Variants in FGD6 observed in about 807,000 individuals in gnomAD.
FGD6 encodes the protein FYVE, RhoGEF and PH domain containing 6, also known as FYVE, RhoGEF and PH domain-containing protein 6.
Under a neutral mutation model 149.4 loss-of-function variants are expected in FGD6, and 90 were observed. The ratio of observed to expected loss-of-function variants is 0.60; its 90% CI spans 0.51 to 0.72. The LOEUF is 0.72. Among genes scored for constraint, FGD6 ranks in the 30% least tolerant of loss-of-function variants. The pLI is 0.00. For synonymous variants in FGD6, 527 were observed against 584.0 expected, an observed-to-expected ratio of 0.90 and a Z score of 1.41; for missense variants, 1,437 against 1,684.8, an observed-to-expected ratio of 0.85 and a Z score of 2.57.
intron 3 of FGD6, among the ~76,000 whole-genome samples, chr12:95,154,268 C>A (rs922473348): frequency 3.3e-5 from 5 of 151,932 alleles, no homozygotes; most frequent in African/African-American, 1.2e-4. Flanking sequence ...CCATGAAATT[C>A]TTTTATTATG....
intron 14 of FGD6, 29 bp downstream of exon 14, chr12:95,104,971 GAAAAAAA>G (rs11331948): frequency 7.4e-6 from 10 of 1,350,546 alleles, no homozygotes; most frequent in South Asian, 1.4e-5. Flanking sequence ...CTCAGAATGA[GAAAAAAA>G]AAAAAAAAAA....
intron 8 of FGD6, among the ~76,000 whole-genome samples, chr12:95,131,219 C>G (rs144982571): frequency 6.7e-6 from 1 of 148,316 alleles, no homozygotes; most frequent in East Asian, 2.1e-4. Flanking sequence ...TCAAACAATT[C>G]TGCCTCAGCC....
chr12:95,123,931 T>G (rs11107906), intron 8 of FGD6, among the ~76,000 whole-genome samples: 93,983 of 149,974 alleles, frequency 0.63, 29,678 homozygotes, highest in East Asian at 0.68. Flanking sequence ...TTTTCTTTTT[T>G]GGAGACAGGG....
chr12:95,157,388 G>A (rs117700552), intron 3 of FGD6, among the ~76,000 whole-genome samples: 1,733 of 152,072 alleles, frequency 0.011, 17 homozygotes, highest in South Asian at 0.027. Flanking sequence ...CCAACATGGT[G>A]AAACCCCGTC....
At chr12:95,162,100 C>CAAAAAA (rs762218917) in intron 3 of FGD6, among the ~76,000 whole-genome samples, 1 of 61,808 alleles carries the variant, frequency 1.6e-5, no homozygotes, top group Non-Finnish European at 3.2e-5. Context: ...CTGAAAAATA[C>CAAAAAA]AAAAAAAAAA....
intron 14 of FGD6, among the ~76,000 whole-genome samples, chr12:95,100,141 T>C (rs898227398): frequency 2.7e-5 from 4 of 150,154 alleles, no homozygotes; most frequent in Non-Finnish European, 5.9e-5. Flanking sequence ...TAACATTGAA[T>C]ACTCCAAATT....
chr12:95,141,577 A>G (rs756412328), intron 5 of FGD6, 38 bp from the exon 6 acceptor site: 119 of 1,597,564 alleles, frequency 7.4e-5, no homozygotes, highest in Non-Finnish European at 9.8e-5. Flanking sequence ...ATACACACAC[A>G]TGTAACTTGA....
At chr12:95,176,778 A>G (rs762824611) in intron 2 of FGD6, among the ~76,000 whole-genome samples, 7 of 152,242 alleles carry the variant, frequency 4.6e-5, no homozygotes, top group Non-Finnish European at 1.0e-4. Context: ...AGTCACAACT[A>G]AAGTGAAGTC....
rs115816689 is a variant in FGD6 at position 95,170,280 on chromosome 12, T to C, written c.2586+2320A>G. Among the ~76,000 whole-genome samples the C allele has an allele frequency of 7.0e-3, 1,064 of 152,298 alleles. 17 individuals carry two copies. The highest frequency in any genetic ancestry group is 0.024 in the African/African-American group (1,009 of 41,558). On this transcript the variant is annotated intron_variant, in intron 3 of 20. Transcript: ENST00000343958. ...ACATCACTCTGATTTGTTTCCTTCA[T>C]AGCTTGTAACACTCTGAAGTTCTTC...
chr12:95,116,103 T>C (rs1879003382), intron 8 of FGD6, among the ~76,000 whole-genome samples: 1 of 152,180 alleles, frequency 6.6e-6, no homozygotes, highest in Non-Finnish European at 1.5e-5. Context: ...ACAAAATACA[T>C]AAGTTATATG....
intron 8 of FGD6, among the ~76,000 whole-genome samples, chr12:95,131,730 C>T (rs921925212): frequency 4.6e-5 from 7 of 152,116 alleles, no homozygotes; most frequent in Non-Finnish European, 8.8e-5. Flanking sequence ...ATCACTTTTC[C>T]CCCTTCCCAA....
intron 5 of FGD6, among the ~76,000 whole-genome samples, chr12:95,148,886 ATT>A (rs373211184): frequency 3.5e-4 from 9 of 26,036 alleles, no homozygotes; most frequent in African/African-American, 1.5e-3. Context: ...TATTATATAT[ATT>A]ATATAAGATA....
At chr12:95,184,580 CG>C (rs1279579789) in intron 2 of FGD6, among the ~76,000 whole-genome samples, 5 of 87,490 alleles carry the variant, frequency 5.7e-5, no homozygotes, top group African/African-American at 1.0e-4. Context: ...TCTTCCTGCA[CG>C]TTTTTTTTTT....
At chr12:95,093,762 T>A (rs1211152733) in intron 15 of FGD6, among the ~76,000 whole-genome samples, 4 of 145,726 alleles carry the variant, frequency 2.7e-5, no homozygotes, top group Non-Finnish European at 4.5e-5. Context: ...GGCAGGAGAA[T>A]CACTTAAATC....
At chr12:95,176,736 G>A (rs895408075) in intron 2 of FGD6, among the ~76,000 whole-genome samples, 5 of 152,040 alleles carry the variant, frequency 3.3e-5, no homozygotes, top group Non-Finnish European at 7.4e-5. Flanking sequence ...CACCTCCACT[G>A]GAAGTATATC....
At chr12:95,164,088 G>A (rs1880723594) in intron 3 of FGD6, among the ~76,000 whole-genome samples, 1 of 152,112 alleles carries the variant, frequency 6.6e-6, no homozygotes, top group Admixed American at 6.5e-5. Context: ...ACACTGTTGT[G>A]GAAGTTGAAA....
In FGD6 at chr12:95,173,525, C is replaced by T. The variant is rs1371039295; in HGVS notation, c.2442-781G>A. Among the ~76,000 whole-genome samples the T allele has an allele frequency of 3.9e-5, 6 of 152,184 alleles. No homozygotes were observed. The South Asian group carries it at 8.3e-4, about 21-fold the overall frequency. ...CAGCCTGATATCATCAAGGTTCCTC[C>T]GTTTGTTTTAATATAGATCTCATGA... On this transcript the variant is annotated intron_variant, in intron 2 of 20. Coordinates refer to ENST00000343958, the MANE Select transcript of FGD6 (RefSeq NM_018351.4).
intron 1 of FGD6, 39 bp from the exon 2 acceptor site, chr12:95,211,306 C>T (rs1000716270): frequency 6.6e-7 from 1 of 1,516,216 alleles, no homozygotes; most frequent in Admixed American, 2.3e-5. Context: ...TCAAAACAAC[C>T]AAAGCACAAA....
Position 95,217,439 on chromosome 12 carries a change from C to T in FGD6, c.-199G>A. ...ACCCTGCGGCGCTCCCGGGCGCGAG[C>T]CGCCGGGGTCGGGCGGGCGAGCACT... is the stretch of plus-strand genomic sequence containing the variant. On this transcript the variant is annotated 5_prime_UTR_variant, in exon 1 of 21. Transcript: ENST00000343958. The T allele has an allele frequency of 2.4e-6, 2 of 817,720 alleles. No individual in the cohort carries two copies. The highest frequency in any genetic ancestry group is 2.7e-5 in the South Asian group (1 of 37,204). 50.7% of individuals were successfully genotyped at this position (817,720 alleles called of 1,614,324 possible).
Sources: allele counts gnomAD v4.1 joint callset (sites outside exome capture counted in the v4.1 genomes callset), GRCh38; gene constraint gnomAD v4.1.1; transcripts MANE v1.5; gene names NCBI Gene and HGNC (gene_info 2026-07-23, HGNC 2026-07-21).